The following PLIN4 variants were observed in gnomAD, a reference collection of about 807,000 sequenced individuals.
The protein encoded by PLIN4 is perilipin 4.
In PLIN4, 57 loss-of-function variants were observed where a neutral mutation model predicts 52.4. The ratio of observed to expected loss-of-function variants is 1.09; its 90% CI spans 0.88 to 1.36. The LOEUF (loss-of-function observed/expected upper bound fraction) is 1.36, where lower values mean the gene tolerates loss of function less well. Among genes scored for constraint, PLIN4 ranks in the 40% most tolerant of loss-of-function variants. The pLI is 0.00. For synonymous variants in PLIN4, 826 were observed against 785.4 expected, an observed-to-expected ratio of 1.05 and a Z score of -0.86; for missense variants, 1,757 against 1,770.3, an observed-to-expected ratio of 0.99 and a Z score of 0.13.
chr19:4,512,539 G>A lies in PLIN4; in HGVS notation c.1421C>T (p.Thr474Ile), dbSNP rs1251200999. ...GTKDTVCSGV[T>I]GAANVAKGAV... ...CCCTTTGGCCACATTCGCAGCACCGGTGACCCCACTGCAGACAGTGTCCTT... is the reference window on the plus strand; with the variant it reads ...CCCTTTGGCCACATTCGCAGCACCGATGACCCCACTGCAGACAGTGTCCTT... Residue 474 changes from threonine to isoleucine, a missense_variant, in exon 5 of 8, where the codon ACC (threonine) becomes ATC (isoleucine). Transcript: ENST00000301286. 2.5e-6 allele frequency: 4 copies of A among 1,608,946 alleles called. No individual in the cohort carries two copies. Among genetic ancestry groups the A allele is most frequent in the Admixed American group, 1.7e-5 (1 of 59,796 alleles).
intron 5 of PLIN4, among the ~76,000 whole-genome samples, chr19:4,509,537 T>C (rs1385757791): frequency 6.6e-6 from 1 of 151,696 alleles, no homozygotes; most frequent in Non-Finnish European, 1.5e-5. Flanking sequence ...AGCAGGAGAA[T>C]TGCTTGAACC....
At chr19:4,506,890 T>G (rs1004939738) in intron 6 of PLIN4, among the ~76,000 whole-genome samples, 1 of 152,224 alleles carries the variant, frequency 6.6e-6, no homozygotes, top group Non-Finnish European at 1.5e-5. Context: ...CGACTGTGCA[T>G]CTGGGGGTGG....
rs1351513494 is a variant in PLIN4, at chr19:4,510,435, C to T, written c.3514+11G>A. ...TGCCTCAGGGACCCATGAACCCAGG[C>T]GTCCCCTCACCTTGCTCCTCCGCAT... On this transcript the variant is annotated intron_variant, in intron 5 of 7. Coordinates refer to ENST00000301286, the MANE Select transcript of PLIN4 (RefSeq NM_001367868.2). 2.9e-6 allele frequency: 4 copies of T among 1,401,158 alleles called. No individual in the cohort carries two copies. Among genetic ancestry groups the T allele is most frequent in the Admixed American group, 5.5e-5 (2 of 36,686 alleles). 86.8% of individuals were successfully genotyped at this position (1,401,158 alleles called of 1,614,324 possible). A position where few individuals can be genotyped will look rare whatever the true frequency, so the allele number is the denominator to read the frequency against.
rs981156227 is a variant in PLIN4 at position 4,518,428 on chromosome 19, C to T, written c.-61G>A. The T allele has an allele frequency of 5.7e-6, 7 of 1,227,284 alleles. No homozygotes were observed. Among genetic ancestry groups the T allele is most frequent in the Admixed American group, 4.2e-5 (1 of 23,590 alleles). The allele number at this position is 1,227,284 out of a possible 1,614,324, so 76.0% of individuals were successfully genotyped here. A position where few individuals can be genotyped will look rare whatever the true frequency, so the allele number is the denominator to read the frequency against. ...CCTGGTGTCACCGAAGCAGACGCGG[C>T]CCCGCTCACCTGGACTGCGCGGGGT... On this transcript the variant is annotated 5_prime_UTR_variant, in exon 1 of 8. Coordinates refer to ENST00000301286, the MANE Select transcript of PLIN4 (RefSeq NM_001367868.2).
chr19:4,510,599 C>A lies in PLIN4; in HGVS notation c.3361G>T (p.Ala1121Ser). 1.3e-6 allele frequency: 2 copies of A among 1,503,026 alleles called. No individual in the cohort carries two copies. Among genetic ancestry groups the A allele is most frequent in the African/African-American group, 1.4e-5 (1 of 71,576 alleles). 93.1% of individuals were successfully genotyped at this position (1,503,026 alleles called of 1,614,324 possible). ...ATTKGLATDV[A>S]TFTQGAAPGR... ...GGGGCGGCCCCTTGGGTGAACGTCG[C>A]CACGTCAGTCGCAAGGCCCTTGGTA... The change falls in exon 5 of 8, where the codon GCG (alanine) becomes TCG (serine). Residue 1121 changes from alanine to serine, a missense_variant. Physicochemically the swap from Ala to Ser is moderately conservative, Grantham distance 99. Transcript: ENST00000301286.
rs751196932 is a variant in PLIN4, at chr19:4,508,828, C to G, written c.3642G>C (p.Leu1214=). 5 of 1,605,856 alleles carry G rather than the reference C, an allele frequency of 3.1e-6. No individual in the cohort carries two copies. In the African/African-American group the frequency reaches 6.7e-5, roughly 21 times the overall value. ...QRAFEHAVSH[L]QHGQFQARDT... is the part of the protein sequence containing the mutation. ...CCCTGGCTTGGAACTGGCCGTGCTG[C>G]AGGTGGCTCACCGCGTGTTCAAATG... The change falls in exon 6 of 8, where the codon CTG becomes CTC. Residue 1214 remains leucine, a synonymous_variant. Coordinates refer to ENST00000301286, the MANE Select transcript of PLIN4 (RefSeq NM_001367868.2).
chr19:4,509,518 G>T (rs1242331852), intron 5 of PLIN4, among the ~76,000 whole-genome samples: 1 of 151,822 alleles, frequency 6.6e-6, no homozygotes, highest in African/African-American at 2.4e-5. Context: ...GCAGCTACTC[G>T]GGAGGCTGAG....
At chr19:4,508,338 C>T (rs1284859314) in intron 6 of PLIN4, among the ~76,000 whole-genome samples, 3 of 152,062 alleles carry the variant, frequency 2.0e-5, no homozygotes, top group African/African-American at 7.2e-5. Context: ...CTCACTGCAA[C>T]CTCCGCCTCC....
In PLIN4 at chr19:4,504,940, T is replaced by A; in HGVS notation, c.3710A>T (p.Lys1237Met). ...QLQDCFRLIE[K>M]AQQAPEGQPR... ...CTGCCCTTCTGGAGCCTGCTGGGCC[T>A]TTTCAATCTGGAGAGAGAGTACAGT... The change falls in exon 7 of 8, where the codon AAG becomes ATG. Residue 1237 changes from lysine (K) to methionine (M), a missense_variant. Physicochemically the swap from Lys to Met is moderately conservative, Grantham distance 95 (BLOSUM62 -1). Coordinates refer to ENST00000301286, the MANE Select transcript of PLIN4 (RefSeq NM_001367868.2). The A allele has an allele frequency of 6.2e-7, 1 of 1,601,996 alleles. No individual in the cohort carries two copies. Among genetic ancestry groups the A allele is most frequent in the Non-Finnish European group, 8.5e-7 (1 of 1,175,568 alleles).
Position 4,508,630 on chromosome 19 carries a change from G to T in PLIN4, c.3702+138C>A, listed in dbSNP as rs1034322187. 2.4e-5 allele frequency: 24 copies of T among 1,013,902 alleles called. No homozygotes were observed. In the Admixed American group the frequency reaches 6.7e-4, roughly 28 times the overall value. The allele number at this position is 1,013,902 out of a possible 1,614,324, so 62.8% of individuals were successfully genotyped here. On this transcript the variant is annotated intron_variant, in intron 6 of 7. Transcript: ENST00000301286. Reference sequence around the variant, plus strand: ...CCTTGCCAGGAGGCAAGCCCCATGAGTACAGAGCCATGACCATTGGTGACG... The same window carrying T: ...CCTTGCCAGGAGGCAAGCCCCATGATTACAGAGCCATGACCATTGGTGACG...
chr19:4,508,109 C>CTCCCCGG (rs1275912199), intron 6 of PLIN4, among the ~76,000 whole-genome samples: 2 of 152,214 alleles, frequency 1.3e-5, no homozygotes, highest in African/African-American at 2.4e-5. Context: ...ACCCAGCTTG[C>CTCCCCGG]TCCCCGGTAG....
At chr19:4,506,606 C>T (rs1263803745) in intron 6 of PLIN4, among the ~76,000 whole-genome samples, 2 of 152,194 alleles carry the variant, frequency 1.3e-5, no homozygotes, top group Non-Finnish European at 2.9e-5. Flanking sequence ...TGATGAGTCA[C>T]ACACCACATC....
rs376688200 is a variant in PLIN4 at position 4,516,519 on chromosome 19, A to C, written c.258+98T>G. On this transcript the variant is annotated intron_variant, in intron 4 of 7. Transcript: ENST00000301286. ...ATAGCAGGAACTGAAATGTCCCAGG[A>C]GGGAGCAGCCCCCCAGATAGCAGGA... 94 of 1,397,804 alleles carry C rather than the reference A, an allele frequency of 6.7e-5. No individual in the cohort carries two copies. In the African/African-American group the frequency reaches 1.2e-3, roughly 19 times the overall value. 86.6% of individuals were successfully genotyped at this position (1,397,804 alleles called of 1,614,324 possible).
chr19:4,512,453 A>G lies in PLIN4; in HGVS notation c.1507T>C (p.Ser503Pro). 1 of 1,609,544 alleles carries G rather than the reference A, an allele frequency of 6.2e-7. No homozygotes were observed. Residue 503 changes from serine (S) to proline (P), a missense_variant, in exon 5 of 8, where the codon TCC becomes CCC. Physicochemically the swap from Ser to Pro is moderately conservative, Grantham distance 74. Around this residue, in one of 7 missense-constraint regions of PLIN4, gnomAD observed 439 missense variants for 406.4 expected, o/e 1.08. Coordinates refer to ENST00000301286, the MANE Select transcript of PLIN4 (RefSeq NM_001367868.2). ...TTCACAGCCCCTGTGAGCCCAGTGG[A>G]CACAGCATCTTTAGTGCCAGTCAGG... is the stretch of plus-strand genomic sequence containing the variant. ...SVLTGTKDAV[S>P]TGLTGAVNVA...
rs772092808 is a variant in PLIN4, at chr19:4,504,467, C to A, written c.4108G>T (p.Gly1370Trp). 4 of 1,573,542 alleles carry A rather than the reference C, an allele frequency of 2.5e-6. No individual in the cohort carries two copies. Among genetic ancestry groups the A allele is most frequent in the African/African-American group, 2.7e-5 (2 of 74,144 alleles). Residue 1370 changes from glycine to tryptophan, a missense_variant, in exon 8 of 8, where the codon GGG becomes TGG. Physicochemically the swap from Gly to Trp is radical, Grantham distance 184. Around this residue, in one of 7 missense-constraint regions of PLIN4, gnomAD observed 712 missense variants for 637.1 expected, o/e 1.12. Transcript: ENST00000301286. Reference protein sequence around the residue: ...LVGPFALPAGGQ With the variant: ...LVGPFALPAGWQ Reference sequence around the variant, plus strand: ...CCTGCAGGCTCCTACAGCTACTGCCCGCCAGCGGGCAAGGCGAAGGGCCCT... The same window carrying A: ...CCTGCAGGCTCCTACAGCTACTGCCAGCCAGCGGGCAAGGCGAAGGGCCCT...
intron 3 of PLIN4, 119 bp from the exon 4 acceptor site, chr19:4,516,797 G>A (rs956768454): frequency 3.1e-5 from 32 of 1,024,898 alleles, no homozygotes; most frequent in African/African-American, 2.3e-4. Flanking sequence ...CAGCTACCCC[G>A]CCAGGGACAG....
Position 4,510,635 on chromosome 19 carries a change from C to T in PLIN4, c.3325G>A (p.Ala1109Thr). 2.0e-6 allele frequency: 3 copies of T among 1,506,918 alleles called. No homozygotes were observed. Among genetic ancestry groups the T allele is most frequent in the Non-Finnish European group, 8.9e-7 (1 of 1,128,990 alleles). 93.3% of individuals were successfully genotyped at this position (1,506,918 alleles called of 1,614,324 possible). A position where few individuals can be genotyped will look rare whatever the true frequency, so the allele number is the denominator to read the frequency against. ...GCAAGGCCCTTGGTAGTGGCTGCGG[C>T]TTCCCAGGCAGGCTCCGGGCCTACA... is the stretch of plus-strand genomic sequence containing the variant. Reference protein sequence around the residue: ...LSVGPEPAWEAAATTKGLATD... With the variant: ...LSVGPEPAWETAATTKGLATD... Residue 1109 changes from alanine (A) to threonine (T), a missense_variant, in exon 5 of 8, where the codon GCC becomes ACC. Ala to Thr is a moderately conservative substitution (Grantham distance 58). Transcript: ENST00000301286.
intron 6 of PLIN4, among the ~76,000 whole-genome samples, chr19:4,508,074 C>T (rs1486143105): frequency 1.3e-5 from 2 of 152,134 alleles, no homozygotes; most frequent in African/African-American, 4.8e-5. Context: ...CCAGCCACAG[C>T]GCCGCCTTTC....
rs752257105 is a variant in PLIN4, at chr19:4,512,180, G to T, written c.1780C>A (p.Leu594Met). 1.2e-6 allele frequency: 2 copies of T among 1,611,802 alleles called. No individual in the cohort carries two copies. Among genetic ancestry groups the T allele is most frequent in the East Asian group, 4.5e-5 (2 of 44,828 alleles). Reference sequence around the variant, plus strand: ...GTCACTGTGTCCTTGGTGCCGGTCAGCACGGTCTTGGCTGTGTCTACACCT... The same window carrying T: ...GTCACTGTGTCCTTGGTGCCGGTCATCACGGTCTTGGCTGTGTCTACACCT... ...QTGVDTAKTV[L>M]TGTKDTVTTG... The change falls in exon 5 of 8, where the codon CTG becomes ATG. Residue 594 changes from leucine (L) to methionine (M), a missense_variant. Leu to Met is a conservative substitution (Grantham distance 15). Transcript: ENST00000301286.
Sources: gnomAD v4.1 joint callset for allele counts (sites outside exome capture counted in the v4.1 genomes callset) on GRCh38, gnomAD v4.1.1 for gene constraint, gnomAD v4.1.1 regional missense constraint, MANE v1.5 for transcripts, NCBI Gene and HGNC (gene_info 2026-07-23, HGNC 2026-07-21) for gene names.